ALOX5: variants seen among roughly 807,000 people sequenced by gnomAD.
ALOX5 encodes polyunsaturated fatty acid 5-lipoxygenase.
In ALOX5, 64 loss-of-function variants were observed where a neutral mutation model predicts 87.9. That is an observed-to-expected ratio of 0.73 (90% CI 0.60 to 0.90). The LOEUF (loss-of-function observed/expected upper bound fraction) is 0.90, where lower values mean the gene tolerates loss of function less well. ALOX5 is among the 40% of genes least tolerant of loss of function. The probability of loss-of-function intolerance (pLI) is 0.00; values close to 1 mark genes in which losing one functional copy is unlikely to be tolerated. For missense variants in ALOX5, 822 were observed against 907.5 expected (o/e 0.91, Z 1.21); for synonymous variants, 388 against 355.1 (o/e 1.09, Z -1.04).
chr10:45,376,506 G>A (rs551909424), intron 1 of ALOX5, among the ~76,000 whole-genome samples: 35 of 152,310 alleles, frequency 2.3e-4, no homozygotes, highest in Admixed American at 5.9e-4. Flanking sequence ...TATCTGTAAA[G>A]ACAATCATCC....
intron 2 of ALOX5, among the ~76,000 whole-genome samples, chr10:45,393,454 CAAAAT>C (rs1213553125): frequency 2.0e-5 from 3 of 152,124 alleles, no homozygotes. Flanking sequence ...GGACGTATCT[CAAAAT>C]AATAAGAGCT....
chr10:45,417,539 G>A (rs963497139), intron 4 of ALOX5, among the ~76,000 whole-genome samples: 1 of 152,166 alleles, frequency 6.6e-6, no homozygotes. Context: ...GTGAGGGCAG[G>A]AGCATCTTTC....
At chr10:45,400,549 A>G (rs895019528) in intron 3 of ALOX5, among the ~76,000 whole-genome samples, 1 of 152,206 alleles carries the variant, frequency 6.6e-6, no homozygotes, top group African/African-American at 2.4e-5. Flanking sequence ...CAGTGAGCCT[A>G]GATCCCGCCA....
intron 3 of ALOX5, among the ~76,000 whole-genome samples, chr10:45,409,507 C>T (rs1840989561): frequency 8.4e-6 from 1 of 118,426 alleles, no homozygotes; most frequent in African/African-American, 3.0e-5. Flanking sequence ...CTCTGTCTGT[C>T]TGTCTCTCTC....
At chr10:45,437,930 A>G (rs1203353603) in intron 7 of ALOX5, among the ~76,000 whole-genome samples, 1 of 152,242 alleles carries the variant, frequency 6.6e-6, no homozygotes, top group Admixed American at 6.5e-5. Flanking sequence ...TTGGCTTGCT[A>G]AAAAAACTTT....
At chr10:45,404,233 T>A (rs1840798560) in intron 3 of ALOX5, among the ~76,000 whole-genome samples, 1 of 152,252 alleles carries the variant, frequency 6.6e-6, no homozygotes, top group Non-Finnish European at 1.5e-5. Flanking sequence ...CAGGAAACAC[T>A]GAACTTTGCA....
At position 45,374,368 on chromosome 10, in the gene ALOX5, C is replaced by T. The variant is rs866344948; in HGVS notation, c.89C>T (p.Ala30Val). 7 of 1,549,768 alleles carry T rather than the reference C, an allele frequency of 4.5e-6. No homozygotes were observed. The African/African-American group carries it at 7.1e-5, about 16-fold the overall frequency. ...DYIYLSLVGS[A>V]GCSEKHLLDK... ...ATCTACCTCAGCCTCGTGGGCTCGG[C>T]GGGCTGCAGCGAGAAGCACCTGCTG... is the stretch of plus-strand genomic sequence containing the variant. The change falls in exon 1 of 14, where the codon GCG becomes GTG. Residue 30 changes from alanine (A) to valine (V), a missense_variant. Ala to Val is a moderately conservative substitution (Grantham distance 64). Transcript: ENST00000374391.
chr10:45,439,081 T>G (rs901681), intron 7 of ALOX5, among the ~76,000 whole-genome samples: 77,593 of 152,142 alleles, frequency 0.51, 20,024 homozygotes, highest in East Asian at 0.63. Flanking sequence ...TCTCATTTAA[T>G]AGTTTTAGAT....
chr10:45,442,973 C>G (rs1015680802), intron 9 of ALOX5, 65 bp from the exon 10 acceptor site: 7 of 1,522,714 alleles, frequency 4.6e-6, no homozygotes, highest in Non-Finnish European at 3.5e-6. Flanking sequence ...CACATTTCCT[C>G]AGGGATGGGT....
rs1176410157 is a variant in ALOX5 at position 45,427,005 on chromosome 10, A to G, written c.835-1613A>G. 3.9e-5 allele frequency among the ~76,000 whole-genome samples: 6 copies of G among 152,234 alleles called. No homozygotes were observed. The East Asian group carries it at 1.2e-3, about 29-fold the overall frequency. On this transcript the variant is annotated intron_variant, in intron 6 of 13. Coordinates refer to ENST00000374391, the MANE Select transcript of ALOX5 (RefSeq NM_000698.5). Reference sequence around the variant, plus strand: ...CAGTGCCCACGGCCAGGAGAATGGAATACACTGACCTAGAGGGGACAGGGA... The same window carrying G: ...CAGTGCCCACGGCCAGGAGAATGGAGTACACTGACCTAGAGGGGACAGGGA...
intron 3 of ALOX5, among the ~76,000 whole-genome samples, chr10:45,409,015 A>G (rs907860227): frequency 2.0e-5 from 3 of 152,210 alleles, no homozygotes; most frequent in African/African-American, 7.2e-5. Context: ...TACATAGTGA[A>G]CTGTAACCTA....
intron 7 of ALOX5, among the ~76,000 whole-genome samples, chr10:45,438,037 G>A (rs1165242209): frequency 1.3e-5 from 2 of 151,930 alleles, no homozygotes; most frequent in African/African-American, 4.8e-5. Context: ...TACTGAAGTT[G>A]TTTATCAAGT....
intron 2 of ALOX5, among the ~76,000 whole-genome samples, chr10:45,387,707 C>T (rs560149274): frequency 6.6e-6 from 1 of 152,290 alleles, no homozygotes; most frequent in African/African-American, 2.4e-5. Context: ...GCAGGGGCCC[C>T]AAGGCTTGCT....
chr10:45,418,865 C>T (rs752724388), intron 4 of ALOX5, among the ~76,000 whole-genome samples: 4 of 152,202 alleles, frequency 2.6e-5, no homozygotes, highest in African/African-American at 4.8e-5. Flanking sequence ...AGACAATGTC[C>T]TCATTAAAGG....
chr10:45,382,362 C>A, intron 1 of ALOX5, 121 bp from the exon 2 acceptor site: 1 of 1,005,502 alleles, frequency 9.9e-7, no homozygotes, highest in Non-Finnish European at 1.5e-6. Context: ...TTTTTAAGTG[C>A]TTTTCATTCA....
At chr10:45,443,327 G>A (rs1423136648) in intron 10 of ALOX5, 89 bp from the exon 11 acceptor site, 6 of 1,584,098 alleles carry the variant, frequency 3.8e-6, no homozygotes, top group East Asian at 2.2e-5. Flanking sequence ...CGGGGTGGGG[G>A]AGTCCCAGCG....
Position 45,445,632 on chromosome 10 carries a change from A to T in ALOX5, c.1970A>T (p.Gln657Leu), listed in dbSNP as rs762281879. 1.4e-5 allele frequency: 22 copies of T among 1,614,124 alleles called. No individual in the cohort carries two copies. In the Admixed American group the frequency reaches 3.7e-4, roughly 27 times the overall value. ...ATTGCTGAGCGCAACAAGAAGAAGC[A>T]GCTGCCATATTACTACTTGTCCCCA... is the stretch of plus-strand genomic sequence containing the variant. ...SVIAERNKKK[Q>L]LPYYYLSPDR... is the part of the protein sequence containing the mutation. Residue 657 changes from glutamine to leucine, a missense_variant, in exon 14 of 14, where the codon CAG becomes CTG. Gln to Leu is a moderately radical substitution (Grantham distance 113). Transcript: ENST00000374391.
intron 13 of ALOX5, 167 bp downstream of exon 13, chr10:45,444,453 C>T: frequency 1.0e-6 from 1 of 961,118 alleles, no homozygotes. Flanking sequence ...GGTCCCCCGG[C>T]CTCAGCCTGG....
At chr10:45,378,256 G>C (rs999868885) in intron 1 of ALOX5, among the ~76,000 whole-genome samples, 3 of 152,112 alleles carry the variant, frequency 2.0e-5, no homozygotes, top group African/African-American at 7.3e-5. Flanking sequence ...ACAAACCAGG[G>C]CTCAAAGCTG....
Sources: allele counts gnomAD v4.1 joint callset (sites outside exome capture counted in the v4.1 genomes callset), GRCh38; gene constraint gnomAD v4.1.1; transcripts MANE v1.5; gene names NCBI Gene and HGNC (gene_info 2026-07-23, HGNC 2026-07-21).